The following GRIK4 variants were observed in gnomAD, a reference collection of about 807,000 sequenced individuals.
The protein encoded by GRIK4 is glutamate receptor ionotropic, kainate 4.
A neutral mutation model predicts 104.9 loss-of-function variants in GRIK4; 40 were observed. The ratio of observed to expected loss-of-function variants is 0.38; its 90% CI spans 0.30 to 0.50. The LOEUF is 0.50. GRIK4 is among the 20% of genes least tolerant of loss of function. The probability of loss-of-function intolerance (pLI) is 0.93; values close to 1 mark genes in which losing one functional copy is unlikely to be tolerated. For missense variants in GRIK4, 1,047 were observed against 1,308.1 expected (o/e 0.80, Z 3.08); for synonymous variants, 485 against 524.9 (o/e 0.92, Z 1.04).
chr11:120,828,934 A>G (rs1833325838), intron 6 of GRIK4, among the ~76,000 whole-genome samples: 2 of 152,160 alleles, frequency 1.3e-5, no homozygotes, highest in South Asian at 2.1e-4. Context: ...TGCCATTTGC[A>G]AAGGAATAAA....
intron 11 of GRIK4, among the ~76,000 whole-genome samples, chr11:120,879,667 T>C (rs1203035519): frequency 6.6e-6 from 1 of 152,254 alleles, no homozygotes; most frequent in African/African-American, 2.4e-5. Context: ...AATTCCCTGT[T>C]GTGCCCTGTC....
At chr11:120,843,326 C>T (rs1953766471) in intron 8 of GRIK4, among the ~76,000 whole-genome samples, 1 of 152,236 alleles carries the variant, frequency 6.6e-6, no homozygotes, top group Non-Finnish European at 1.5e-5. Context: ...AGGCAGTGGG[C>T]ACCCAGAGTT....
chr11:120,665,329 A>G (rs1367186317), intron 3 of GRIK4, among the ~76,000 whole-genome samples: 1 of 152,206 alleles, frequency 6.6e-6, no homozygotes, highest in East Asian at 1.9e-4. Context: ...GCAACTTTTC[A>G]TCTCATTTCC....
chr11:120,596,815 C>T (rs796316529), intron 1 of GRIK4, among the ~76,000 whole-genome samples: 5 of 152,208 alleles, frequency 3.3e-5, no homozygotes, highest in African/African-American at 1.2e-4. Context: ...ACCTCCGCCT[C>T]CTGGGTTCAA....
intron 1 of GRIK4, among the ~76,000 whole-genome samples, chr11:120,571,601 C>T (rs748610166): frequency 7.9e-5 from 12 of 152,094 alleles, no homozygotes; most frequent in Non-Finnish European, 1.5e-4. Flanking sequence ...GATTCTAACT[C>T]CTCCTCCTGT....
chr11:120,794,034 G>A (rs1228996351), intron 3 of GRIK4, among the ~76,000 whole-genome samples: 2 of 150,320 alleles, frequency 1.3e-5, no homozygotes. Flanking sequence ...CCAGGCAATG[G>A]TTAGAGGTGA....
intron 14 of GRIK4, among the ~76,000 whole-genome samples, chr11:120,945,494 G>A (rs12419730): frequency 0.23 from 34,805 of 152,124 alleles, 4,304 homozygotes; most frequent in East Asian, 0.36. Context: ...TGACAGGAAG[G>A]AAGGAGGGCA....
intron 1 of GRIK4, among the ~76,000 whole-genome samples, chr11:120,650,330 G>A (rs569431743): frequency 6.6e-6 from 1 of 152,304 alleles, no homozygotes; most frequent in East Asian, 1.9e-4. Flanking sequence ...AGCTAATGAG[G>A]GAGACTGGAA....
intron 13 of GRIK4, among the ~76,000 whole-genome samples, chr11:120,927,152 C>A (rs1943365044): frequency 6.6e-6 from 1 of 151,028 alleles, no homozygotes; most frequent in Non-Finnish European, 1.5e-5. Context: ...GCCGTATCAC[C>A]AACGCCTGGT....
intron 13 of GRIK4, among the ~76,000 whole-genome samples, chr11:120,921,018 C>T (rs1296864427): frequency 6.6e-6 from 1 of 152,166 alleles, no homozygotes. Context: ...CTTTCAAAAA[C>T]CTGTCTCCCA....
chr11:120,512,206 C>T (rs1947669822), intron 1 of GRIK4, among the ~76,000 whole-genome samples: 1 of 151,948 alleles, frequency 6.6e-6, no homozygotes. Context: ...GCATCCCTTC[C>T]CCGGGCTCGC....
At chr11:120,649,702 C>T (rs1350929912) in intron 1 of GRIK4, among the ~76,000 whole-genome samples, 2 of 152,202 alleles carry the variant, frequency 1.3e-5, no homozygotes, top group East Asian at 3.8e-4. Flanking sequence ...GCACACACAC[C>T]CTCACTCAAA....
intron 14 of GRIK4, among the ~76,000 whole-genome samples, chr11:120,946,408 C>G (rs1943862675): frequency 6.6e-6 from 1 of 152,166 alleles, no homozygotes; most frequent in African/African-American, 2.4e-5. Context: ...TGCCTGTAAT[C>G]CCAGCCACTT....
intron 1 of GRIK4, among the ~76,000 whole-genome samples, chr11:120,648,719 T>G (rs948402766): frequency 2.3e-4 from 35 of 152,076 alleles, no homozygotes; most frequent in Non-Finnish European, 1.5e-5. Flanking sequence ...CTAAGGGGGT[T>G]AAGGAACAGG....
intron 15 of GRIK4, among the ~76,000 whole-genome samples, chr11:120,955,551 G>A (rs76663629): frequency 0.057 from 8,665 of 152,304 alleles, 314 homozygotes; most frequent in Middle Eastern, 0.092. Context: ...GGGGCTGCAA[G>A]CATCTCCCTG....
At chr11:120,972,161 A>G (rs1211373279) in intron 19 of GRIK4, among the ~76,000 whole-genome samples, 2 of 152,214 alleles carry the variant, frequency 1.3e-5, no homozygotes, top group Non-Finnish European at 2.9e-5. Flanking sequence ...AAGATGCCCC[A>G]TCATCATGCC....
intron 13 of GRIK4, among the ~76,000 whole-genome samples, chr11:120,914,852 G>A (rs1184855775): frequency 1.3e-5 from 2 of 152,194 alleles, no homozygotes; most frequent in East Asian, 3.9e-4. Context: ...TTGGAGGTGG[G>A]AAGACCAGAT....
chr11:120,687,618 A>T (rs911639836), intron 3 of GRIK4, among the ~76,000 whole-genome samples: 2 of 152,128 alleles, frequency 1.3e-5, no homozygotes, highest in Non-Finnish European at 2.9e-5. Context: ...AATGCTCGAC[A>T]TTGTATAGGC....
At chr11:120,520,364 C>A (rs186303472) in intron 1 of GRIK4, among the ~76,000 whole-genome samples, 214 of 152,338 alleles carry the variant, frequency 1.4e-3, no homozygotes, top group Admixed American at 2.5e-3. Context: ...TTCCCTTGGC[C>A]TGATTTCTTC....
Sources: allele counts gnomAD v4.1 joint callset (sites outside exome capture counted in the v4.1 genomes callset), GRCh38; gene constraint gnomAD v4.1.1; transcripts MANE v1.5; gene names NCBI Gene and HGNC (gene_info 2026-07-23, HGNC 2026-07-21).